Variants in CD200 observed in about 807,000 individuals in gnomAD.
CD200 encodes the protein OX-2 membrane glycoprotein.
A neutral mutation model predicts 30.9 loss-of-function variants in CD200; 15 were observed. The ratio of observed to expected loss-of-function variants is 0.49; its 90% confidence interval spans 0.32 to 0.75. The LOEUF (loss-of-function observed/expected upper bound fraction) is 0.75. Ranked by LOEUF, CD200 falls within the 30% of genes least tolerant of loss-of-function variation. The pLI is 0.03. For synonymous variants in CD200, 134 were observed against 126.2 expected (o/e 1.06, Z -0.41); for missense variants, 262 against 324.2 (o/e 0.81, Z 1.47).
chr3:112,349,641 C>T, intron 4 of CD200, 71 bp from the exon 5 acceptor site: 4 of 1,244,154 alleles, frequency 3.2e-6, no homozygotes, highest in Non-Finnish European at 4.4e-6. Flanking sequence ...TAACTAAAAG[C>T]TCAACTCTTT....
At chr3:112,345,845 A>C (rs2081375479) in intron 3 of CD200, among the ~76,000 whole-genome samples, 1 of 152,228 alleles carries the variant, frequency 6.6e-6, no homozygotes, top group Non-Finnish European at 1.5e-5. Flanking sequence ...AATGATGCCA[A>C]CTAAAGATAT....
chr3:112,349,049 G>A (rs77725999), intron 4 of CD200, among the ~76,000 whole-genome samples: 154 of 152,266 alleles, frequency 1.0e-3, no homozygotes, highest in African/African-American at 3.5e-3. Context: ...TGAGGTCTGA[G>A]GTGTTCAGTT....
chr3:112,355,959 C>A (rs545431376), intron 5 of CD200, among the ~76,000 whole-genome samples: 2 of 152,200 alleles, frequency 1.3e-5, no homozygotes, highest in African/African-American at 4.8e-5. Flanking sequence ...AATACAATTT[C>A]TTCTAGTAAA....
intron 1 of CD200, chr3:112,333,987 T>C (rs1443050219): frequency 2.0e-6 from 2 of 985,294 alleles, no homozygotes; most frequent in Non-Finnish European, 1.2e-6. Context: ...CCAAATACAG[T>C]GAATGCCTCA....
chr3:112,358,400 G>C (rs2081669285), intron 5 of CD200, among the ~76,000 whole-genome samples: 1 of 152,222 alleles, frequency 6.6e-6, no homozygotes, highest in South Asian at 2.1e-4. Flanking sequence ...ATCAGAAAAT[G>C]TGCATTCTAA....
At chr3:112,334,261 C>CATG in intron 1 of CD200, 2 of 985,330 alleles carry the variant, frequency 2.0e-6, no homozygotes, top group Non-Finnish European at 2.4e-6. Context: ...GAGGAAGAGG[C>CATG]ATGAATAGGG....
intron 2 of CD200, among the ~76,000 whole-genome samples, chr3:112,342,389 C>T (rs2081280689): frequency 2.5e-4 from 12 of 47,132 alleles, no homozygotes; most frequent in African/African-American, 8.5e-4. Context: ...TTCTTTCTTT[C>T]TTTCTTTCTT....
chr3:112,345,364 C>T, intron 3 of CD200, 76 bp downstream of exon 3: 5 of 1,212,018 alleles, frequency 4.1e-6, no homozygotes, highest in Non-Finnish European at 6.0e-6. Flanking sequence ...GCCGTAGTGC[C>T]CAGTTTTTCA....
chr3:112,357,190 A>G (rs1234895804), intron 5 of CD200, among the ~76,000 whole-genome samples: 10 of 149,392 alleles, frequency 6.7e-5, no homozygotes, highest in South Asian at 2.1e-4. Flanking sequence ...GAACCCGGAA[A>G]GCGGAGCTTG....
chr3:112,342,127 C>G (rs977670689), intron 2 of CD200, among the ~76,000 whole-genome samples: 1 of 151,820 alleles, frequency 6.6e-6, no homozygotes, highest in Non-Finnish European at 1.5e-5. Context: ...ATTTTGTGTA[C>G]CATTTTATTA....
At chr3:112,341,879 C>A (rs1294216320) in intron 2 of CD200, among the ~76,000 whole-genome samples, 1 of 152,206 alleles carries the variant, frequency 6.6e-6, no homozygotes, top group Admixed American at 6.5e-5. Context: ...TCAATCCTAG[C>A]AACAGATAGT....
intron 3 of CD200, 38 bp from the exon 4 acceptor site, chr3:112,347,520 C>T (rs1297522516): frequency 1.9e-6 from 3 of 1,601,826 alleles, no homozygotes; most frequent in Non-Finnish European, 2.6e-6. Context: ...AGACCAGGTG[C>T]TTAACTGATA....
intron 2 of CD200, among the ~76,000 whole-genome samples, chr3:112,342,333 CT>C (rs1559783130): frequency 0.043 from 901 of 21,046 alleles, 139 homozygotes; most frequent in Middle Eastern, 0.056. Flanking sequence ...TTCTTTCTTT[CT>C]TTCCTTCTTT....
In CD200 at chr3:112,359,517, A is replaced by G. The variant is rs571173423; in HGVS notation, c.803-2026A>G. 2.0e-5 allele frequency among the ~76,000 whole-genome samples: 3 copies of G among 152,318 alleles called. No individual in the cohort carries two copies. In the East Asian group the frequency reaches 5.8e-4, roughly 29 times the overall value. On this transcript the variant is annotated intron_variant, in intron 5 of 5. Transcript: ENST00000315711. ...TTAAATATTTAAATGGATGTTCATGAGACAAAAGGACTAGACCTGGAAGTT... is the reference window on the plus strand; with the variant it reads ...TTAAATATTTAAATGGATGTTCATGGGACAAAAGGACTAGACCTGGAAGTT...
intron 2 of CD200, among the ~76,000 whole-genome samples, chr3:112,343,455 C>T (rs149120065): frequency 0.014 from 2,090 of 152,098 alleles, 45 homozygotes; most frequent in African/African-American, 0.046. Context: ...AAGTACATGA[C>T]GCTACGGCTG....
At chr3:112,342,392 T>C (rs1367206740) in intron 2 of CD200, among the ~76,000 whole-genome samples, 35 of 62,050 alleles carry the variant, frequency 5.6e-4, no homozygotes, top group East Asian at 3.9e-3. Context: ...TTTCTTTCTT[T>C]CTTTCTTTCT....
At chr3:112,349,940 C>T in intron 5 of CD200, 121 bp downstream of exon 5, 4 of 1,348,066 alleles carry the variant, frequency 3.0e-6, no homozygotes, top group Non-Finnish European at 3.8e-6. Flanking sequence ...TCTGTTGTTT[C>T]CAAAATACAG....
chr3:112,358,687 A>G (rs186955109), intron 5 of CD200, among the ~76,000 whole-genome samples: 47 of 152,236 alleles, frequency 3.1e-4, no homozygotes, highest in Middle Eastern at 3.4e-3. Context: ...AGGTGCTTGT[A>G]GATCCAAAGC....
chr3:112,350,916 A>G (rs2081518378), intron 5 of CD200, among the ~76,000 whole-genome samples: 1 of 152,190 alleles, frequency 6.6e-6, no homozygotes, highest in African/African-American at 2.4e-5. Flanking sequence ...TTTATAAAAC[A>G]CCCAAAAAGC....
Sources: allele counts gnomAD v4.1 joint callset (sites outside exome capture counted in the v4.1 genomes callset), GRCh38; gene constraint gnomAD v4.1.1; transcripts MANE v1.5; gene names NCBI Gene and HGNC (gene_info 2026-07-23, HGNC 2026-07-21).